The following TRAPPC9 variants were observed in gnomAD, a reference collection of about 807,000 sequenced individuals.
The protein encoded by TRAPPC9 is trafficking protein particle complex subunit 9, also known as IKK2 binding protein.
A neutral mutation model predicts 124.0 loss-of-function variants in TRAPPC9; 83 were observed. The observed-to-expected ratio is 0.67, with a 90% confidence interval of 0.56 to 0.80. The LOEUF (loss-of-function observed/expected upper bound fraction) is 0.80. TRAPPC9 is among the 30% of genes least tolerant of loss of function. The pLI, the probability that TRAPPC9 is intolerant of heterozygous loss-of-function variation, is 0.00. For synonymous variants in TRAPPC9, 638 were observed against 617.5 expected (o/e 1.03, Z -0.49); for missense variants, 1,302 against 1,508.3 (o/e 0.86, Z 2.27).
At chr8:140,032,495 T>A (rs541055215) in intron 17 of TRAPPC9, among the ~76,000 whole-genome samples, 1 of 152,332 alleles carries the variant, frequency 6.6e-6, no homozygotes, top group African/African-American at 2.4e-5. Context: ...TATTGTTTGT[T>A]AACTTTCACT....
At chr8:140,176,798 T>C (rs768284984) in intron 17 of TRAPPC9, among the ~76,000 whole-genome samples, 1 of 152,188 alleles carries the variant, frequency 6.6e-6, no homozygotes, top group Non-Finnish European at 1.5e-5. Flanking sequence ...TTCCAGTTAC[T>C]CTGTAGCCTC....
At chr8:140,327,776 T>C (rs1332848372) in intron 9 of TRAPPC9, among the ~76,000 whole-genome samples, 1 of 152,202 alleles carries the variant, frequency 6.6e-6, no homozygotes, top group Non-Finnish European at 1.5e-5. Flanking sequence ...TGAGAATTAT[T>C]GTGTAATGCG....
At position 140,376,249 on chromosome 8, in the gene TRAPPC9, G is replaced by A. The variant is rs889656766; in HGVS notation, c.1135-5069C>T. Among the ~76,000 whole-genome samples the A allele has an allele frequency of 4.6e-5, 7 of 152,248 alleles. No homozygotes were observed. In the South Asian group the frequency reaches 6.2e-4, roughly 14 times the overall value. ...ACTTCATGAAGTAGTAGAGGAGATA[G>A]GTCCATAAAGAATCACAGTGTTGGA... On this transcript the variant is annotated intron_variant, in intron 7 of 22. Transcript: ENST00000438773.
intron 21 of TRAPPC9, among the ~76,000 whole-genome samples, chr8:139,741,856 GTTCTTTC>G (rs1563777087): frequency 6.6e-6 from 1 of 152,162 alleles, no homozygotes; most frequent in African/African-American, 2.4e-5. Flanking sequence ...TCAGTGCTGC[GTTCTTTC>G]TCATGGCGGG....
chr8:140,441,934 A>G (rs907296168), intron 2 of TRAPPC9, among the ~76,000 whole-genome samples: 1 of 151,916 alleles, frequency 6.6e-6, no homozygotes, highest in African/African-American at 2.4e-5. Flanking sequence ...CTCAGGAGGC[A>G]GAGGCAGGAG....
chr8:140,442,816 G>A (rs2071070409), intron 2 of TRAPPC9, among the ~76,000 whole-genome samples: 1 of 151,986 alleles, frequency 6.6e-6, no homozygotes, highest in Non-Finnish European at 1.5e-5. Context: ...TCTTTTGCAG[G>A]GTCGGGGATG....
At chr8:139,906,467 G>T (rs1397221344) in intron 20 of TRAPPC9, among the ~76,000 whole-genome samples, 1 of 152,188 alleles carries the variant, frequency 6.6e-6, no homozygotes, top group Non-Finnish European at 1.5e-5. Context: ...ATCACACGTG[G>T]GGTCTGAGGG....
chr8:139,873,211 G>A (rs749394416), intron 21 of TRAPPC9, among the ~76,000 whole-genome samples: 11 of 152,140 alleles, frequency 7.2e-5, no homozygotes, highest in Admixed American at 2.0e-4. Flanking sequence ...CAGTCTTGAC[G>A]TTACTGCTGA....
intron 21 of TRAPPC9, among the ~76,000 whole-genome samples, chr8:139,770,106 C>T (rs1161003170): frequency 5.3e-5 from 8 of 152,236 alleles, no homozygotes; most frequent in African/African-American, 1.2e-4. Flanking sequence ...AGCCCAATCC[C>T]GAGTGCTGGT....
At chr8:140,173,279 G>A (rs1326057848) in intron 17 of TRAPPC9, among the ~76,000 whole-genome samples, 1 of 152,198 alleles carries the variant, frequency 6.6e-6, no homozygotes, top group Non-Finnish European at 1.5e-5. Flanking sequence ...CTGTGGCCGG[G>A]CACAGTGGCT....
chr8:140,102,898 C>T (rs2060604203), intron 17 of TRAPPC9, among the ~76,000 whole-genome samples: 2 of 152,206 alleles, frequency 1.3e-5, no homozygotes. Flanking sequence ...GCTCAACCCC[C>T]CACATGCCTG....
At chr8:139,813,334 G>A (rs1824573999) in intron 21 of TRAPPC9, among the ~76,000 whole-genome samples, 1 of 152,246 alleles carries the variant, frequency 6.6e-6, no homozygotes, top group African/African-American at 2.4e-5. Flanking sequence ...GGGAGGGGGA[G>A]CACCAGCTCA....
chr8:140,445,079 G>A (rs967684222), intron 2 of TRAPPC9, among the ~76,000 whole-genome samples: 10 of 152,092 alleles, frequency 6.6e-5, no homozygotes, highest in Non-Finnish European at 1.0e-4. Flanking sequence ...ACTCACATCC[G>A]ATTGCCTCTT....
intron 5 of TRAPPC9, among the ~76,000 whole-genome samples, chr8:140,414,273 C>T (rs1316770092): frequency 6.6e-6 from 1 of 152,106 alleles, no homozygotes; most frequent in Non-Finnish European, 1.5e-5. Flanking sequence ...GTGACTTACA[C>T]CAAAAATCCC....
chr8:140,428,821 G>A (rs1374093126), intron 4 of TRAPPC9, among the ~76,000 whole-genome samples: 1 of 152,112 alleles, frequency 6.6e-6, no homozygotes, highest in East Asian at 1.9e-4. Context: ...CTAAAGTTCT[G>A]TTACAGGGAG....
At chr8:140,142,788 C>T (rs762774282) in intron 17 of TRAPPC9, among the ~76,000 whole-genome samples, 2 of 152,186 alleles carry the variant, frequency 1.3e-5, no homozygotes, top group East Asian at 1.9e-4. Flanking sequence ...AATAAATTAG[C>T]CTCTCCAAAC....
At chr8:140,236,353 G>A (rs1360454181) in intron 16 of TRAPPC9, among the ~76,000 whole-genome samples, 2 of 152,206 alleles carry the variant, frequency 1.3e-5, no homozygotes, top group Non-Finnish European at 2.9e-5. Context: ...AAAGTGCTGG[G>A]ATTGCAGGCG....
At chr8:139,805,995 G>A (rs1314905791) in intron 21 of TRAPPC9, 1 of 152,278 alleles carries the variant, frequency 6.6e-6, no homozygotes, top group Non-Finnish European at 1.5e-5. Flanking sequence ...GCACGCTGGA[G>A]AAGGAAGCCC....
rs1318297937 is a variant in TRAPPC9, at chr8:139,890,590, AC to A, written c.2965-4622del. Among the ~76,000 whole-genome samples the A allele has an allele frequency of 4.0e-5, 6 of 151,882 alleles. No homozygotes were observed. In the South Asian group the frequency reaches 8.3e-4, roughly 21 times the overall value. ...GAGGGGTCAAAGGCCATTGTGAGGG[AC>A]CCCTTCCCGGTCTGTTTTCTCAGTT... is the stretch of plus-strand genomic sequence containing the variant. On this transcript the variant is annotated intron_variant, in intron 20 of 22. Coordinates refer to ENST00000438773, the MANE Select transcript of TRAPPC9 (RefSeq NM_001160372.4).
Sources: allele counts gnomAD v4.1 joint callset (sites outside exome capture counted in the v4.1 genomes callset), GRCh38; gene constraint gnomAD v4.1.1; transcripts MANE v1.5; gene names NCBI Gene and HGNC (gene_info 2026-07-23, HGNC 2026-07-21).